GPATCH8: variants seen among roughly 807,000 people sequenced by gnomAD.
GPATCH8 encodes G-patch domain containing 8.
Under a neutral mutation model 118.3 loss-of-function variants are expected in GPATCH8, and 18 were observed. The ratio of observed to expected loss-of-function variants is 0.15; its 90% CI spans 0.11 to 0.23. GPATCH8 has a LOEUF of 0.23. Ranked by LOEUF, GPATCH8 falls within the 10% of genes least tolerant of loss-of-function variation. GPATCH8 has a pLI of 1.00. For synonymous variants in GPATCH8, 659 were observed against 684.7 expected (o/e 0.96, Z 0.59); for missense variants, 1,631 against 1,873.8 (o/e 0.87, Z 2.39).
At chr17:44,443,272 T>C (rs988784901) in intron 3 of GPATCH8, among the ~76,000 whole-genome samples, 1 of 152,242 alleles carries the variant, frequency 6.6e-6, no homozygotes, top group Non-Finnish European at 1.5e-5. Flanking sequence ...GTTAATGGAC[T>C]TAAATATCAT....
chr17:44,502,695 G>A (rs1283107500), intron 1 of GPATCH8, among the ~76,000 whole-genome samples: 3 of 152,130 alleles, frequency 2.0e-5, no homozygotes, highest in South Asian at 2.1e-4. Flanking sequence ...TCGGATCATA[G>A]TCCAGTAACT....
chr17:44,454,045 T>G (rs186103047), intron 3 of GPATCH8, among the ~76,000 whole-genome samples: 118 of 152,356 alleles, frequency 7.7e-4, no homozygotes, highest in African/African-American at 2.7e-3. Context: ...TGCAATTACC[T>G]TGTATACATC....
chr17:44,445,147 T>C (rs1467889904), intron 3 of GPATCH8, among the ~76,000 whole-genome samples: 1 of 152,236 alleles, frequency 6.6e-6, no homozygotes, highest in Non-Finnish European at 1.5e-5. Context: ...ATTTCATTTC[T>C]TGTTATCACT....
chr17:44,403,346 T>G (rs1359654161), intron 7 of GPATCH8, among the ~76,000 whole-genome samples: 2 of 152,092 alleles, frequency 1.3e-5, no homozygotes, highest in Non-Finnish European at 2.9e-5. Flanking sequence ...GTGCTGGGAT[T>G]ACAGGCTTGA....
Position 44,396,946 on chromosome 17 carries a change from C to T in GPATCH8, c.*622G>A, listed in dbSNP as rs1293410808. 9 of 453,896 alleles carry T rather than the reference C, an allele frequency of 2.0e-5. No individual in the cohort carries two copies. Among genetic ancestry groups the T allele is most frequent in the Non-Finnish European group, 4.0e-5 (9 of 226,802 alleles). 28.1% of individuals were successfully genotyped at this position (453,896 alleles called of 1,614,324 possible). ...TCTGGGATGAGGGATACCAAGATAA[C>T]AGTGCCAAATGTGTGGCTCCGTTGA... On this transcript the variant is annotated 3_prime_UTR_variant, in exon 8 of 8. Coordinates refer to ENST00000591680, the MANE Select transcript of GPATCH8 (RefSeq NM_001002909.4).
chr17:44,459,649 CTTAAT>C (rs752384064), intron 3 of GPATCH8, among the ~76,000 whole-genome samples: 52 of 151,796 alleles, frequency 3.4e-4, no homozygotes, highest in Non-Finnish European at 6.0e-4. Context: ...TGATCACATA[CTTAAT>C]TTAAGTATGA....
intron 5 of GPATCH8, among the ~76,000 whole-genome samples, chr17:44,431,815 A>T (rs996000907): frequency 6.6e-6 from 1 of 151,994 alleles, no homozygotes; most frequent in Non-Finnish European, 1.5e-5. Context: ...AGTCTTGGTT[A>T]CTTGGGAGGC....
At chr17:44,459,294 T>G (rs1237889985) in intron 3 of GPATCH8, among the ~76,000 whole-genome samples, 2 of 152,228 alleles carry the variant, frequency 1.3e-5, no homozygotes, top group Non-Finnish European at 2.9e-5. Context: ...TATCTCTAAT[T>G]CAGTTAAAAG....
chr17:44,460,148 TAAATGCTACA>T (rs553178823), intron 3 of GPATCH8, among the ~76,000 whole-genome samples: 222 of 152,342 alleles, frequency 1.5e-3, no homozygotes, highest in Non-Finnish European at 2.1e-3. Flanking sequence ...GAATCCAGTC[TAAATGCTACA>T]AAATACAACT....
intron 3 of GPATCH8, among the ~76,000 whole-genome samples, chr17:44,444,113 C>G (rs1349670096): frequency 6.6e-6 from 1 of 151,848 alleles, no homozygotes; most frequent in East Asian, 1.9e-4. Flanking sequence ...TAAACAGGAA[C>G]AAAGGTGGGG....
At chr17:44,450,643 T>G (rs1598523552) in intron 3 of GPATCH8, among the ~76,000 whole-genome samples, 1 of 152,248 alleles carries the variant, frequency 6.6e-6, no homozygotes, top group African/African-American at 2.4e-5. Flanking sequence ...TAAGTGCCAT[T>G]GTTTTGAATT....
chr17:44,400,565 C>T lies in GPATCH8; in HGVS notation c.1512G>A (p.Glu504=). The T allele has an allele frequency of 6.2e-7, 1 of 1,614,142 alleles. No homozygotes were observed. The highest frequency in any genetic ancestry group is 8.5e-7 in the Non-Finnish European group (1 of 1,180,002). ...AAGAGTTGGACTCACACATTTGGGT[C>T]TCTGAAACCTTCTGACTATGACTTT... is the stretch of plus-strand genomic sequence containing the variant. ...SLESHSQKVS[E]TQMCESNSSK... is the part of the protein sequence containing the mutation. The change falls in exon 8 of 8, where the codon GAG becomes GAA. Residue 504 remains glutamate, a synonymous_variant. Coordinates refer to ENST00000591680, the MANE Select transcript of GPATCH8 (RefSeq NM_001002909.4).
At chr17:44,476,098 T>C (rs1388320646) in intron 1 of GPATCH8, among the ~76,000 whole-genome samples, 1 of 152,214 alleles carries the variant, frequency 6.6e-6, no homozygotes, top group East Asian at 1.9e-4. Flanking sequence ...TCCTAACAAG[T>C]GTTGAAATTG....
rs866658047 is a variant in GPATCH8, at chr17:44,426,595, C to A, written c.349-2103G>T. 4.7e-5 allele frequency among the ~76,000 whole-genome samples: 6 copies of A among 128,722 alleles called. No homozygotes were observed. In the South Asian group the frequency reaches 7.7e-4, roughly 16 times the overall value. The allele number at this position is 128,722 out of a possible 152,430, so 84.4% of individuals were successfully genotyped here. ...CTCCAGCCTGGGTGACAGAGTGAGA[C>A]CTTGTCTCAAAAAAAAAAAAAAAAA... On this transcript the variant is annotated intron_variant, in intron 5 of 7. Transcript: ENST00000591680.
chr17:44,482,342 G>A (rs901689724), intron 1 of GPATCH8, among the ~76,000 whole-genome samples: 2 of 151,896 alleles, frequency 1.3e-5, no homozygotes, highest in Admixed American at 6.6e-5. Flanking sequence ...GGGAGGCCAA[G>A]ACAGGTGGAT....
In GPATCH8 at chr17:44,399,459, C is replaced by T; in HGVS notation, c.2618G>A (p.Ser873Asn). The change falls in exon 8 of 8, where the codon AGC becomes AAC. Residue 873 changes from serine (S) to asparagine (N), a missense_variant. This residue lies in a region of GPATCH8 where 922 missense variants were observed against 879.7 expected (regional missense o/e 1.05). Transcript: ENST00000591680. ...HRSSRRSYSSSSDASSDQSCY... is the reference protein window; with the variant it reads ...HRSSRRSYSSNSDASSDQSCY... ...GCTCTGGTCTGAAGAGGCATCTGAGCTACTTGAGTAAGAACGCCGGGAGGA... is the reference window on the plus strand; with the variant it reads ...GCTCTGGTCTGAAGAGGCATCTGAGTTACTTGAGTAAGAACGCCGGGAGGA... 1 of 1,614,192 alleles carries T rather than the reference C, an allele frequency of 6.2e-7. No homozygotes were observed. The highest frequency in any genetic ancestry group is 8.5e-7 in the Non-Finnish European group (1 of 1,180,040).
chr17:44,472,037 T>C (rs989770645), intron 2 of GPATCH8, among the ~76,000 whole-genome samples: 1 of 152,026 alleles, frequency 6.6e-6, no homozygotes, highest in Non-Finnish European at 1.5e-5. Context: ...TCCTGTGCCC[T>C]ACTTCTACCT....
chr17:44,435,058 TA>T lies in GPATCH8; in HGVS notation c.348+6del, dbSNP rs1567983999. On this transcript the variant is annotated splice_donor_region_variant and intron_variant, in intron 5 of 7. Transcript: ENST00000591680. ...CCATCTCCCAATGAATAGCTTTGTT[TA>T]AATACCTTGTACTTTTGTCTCAGCT... 8.1e-7 allele frequency: 1 copy of T among 1,230,834 alleles called. No individual in the cohort carries two copies. Among genetic ancestry groups the T allele is most frequent in the Admixed American group, 1.7e-5 (1 of 59,546 alleles). 76.2% of individuals were successfully genotyped at this position (1,230,834 alleles called of 1,614,324 possible).
At chr17:44,458,749 CT>C (rs999816945) in intron 3 of GPATCH8, among the ~76,000 whole-genome samples, 1 of 152,120 alleles carries the variant, frequency 6.6e-6, no homozygotes, top group African/African-American at 2.4e-5. Context: ...GTCTTGAACC[CT>C]TGGCCTCAAG....
Sources: gnomAD v4.1 joint callset for allele counts (sites outside exome capture counted in the v4.1 genomes callset) on GRCh38, gnomAD v4.1.1 for gene constraint, gnomAD v4.1.1 regional missense constraint, MANE v1.5 for transcripts, NCBI Gene and HGNC (gene_info 2026-07-23, HGNC 2026-07-21) for gene names.